The following SLC9A6 variants were observed in gnomAD, a reference collection of about 807,000 sequenced individuals.
The protein encoded by SLC9A6 is solute carrier family 9 member A6, also known as sodium/hydrogen exchanger 6.
In SLC9A6, 6 loss-of-function variants were observed where a neutral mutation model predicts 45.3. The observed-to-expected ratio is 0.13, with a 90% CI of 0.07 to 0.26. The LOEUF (loss-of-function observed/expected upper bound fraction) is 0.26. Among genes scored for constraint, SLC9A6 ranks in the 10% least tolerant of loss-of-function variants. SLC9A6 has a pLI of 1.00. For missense variants in SLC9A6, 278 were observed against 503.7 expected, an observed-to-expected ratio of 0.55 and a Z score of 4.29; for synonymous variants, 191 against 187.7, an observed-to-expected ratio of 1.02 and a Z score of -0.14.
chrX:136,026,262 G>C (rs1003800796), intron 13 of SLC9A6, among the ~76,000 whole-genome samples: 1 of 111,859 alleles, frequency 8.9e-6, no homozygotes, highest in Non-Finnish European at 1.9e-5. Flanking sequence ...GAAAGTTTAA[G>C]ATTCATGCAG....
At chrX:136,034,486 TTTC>T (rs2071381925) in intron 16 of SLC9A6, among the ~76,000 whole-genome samples, 1 of 111,753 alleles carries the variant, frequency 8.9e-6, no homozygotes, top group Admixed American at 9.5e-5. Flanking sequence ...TTAAAATTAA[TTTC>T]TTATTTGAAA....
At chrX:135,987,009 C>T (rs963131333) in intron 2 of SLC9A6, among the ~76,000 whole-genome samples, 20 of 110,947 alleles carry the variant, frequency 1.8e-4, no homozygotes, top group Non-Finnish European at 3.6e-4. Flanking sequence ...CATGCAAACC[C>T]CCGCCCCCTA....
At chrX:136,013,757 T>A (rs1305725696) in intron 10 of SLC9A6, among the ~76,000 whole-genome samples, 1 of 112,168 alleles carries the variant, frequency 8.9e-6, no homozygotes, top group Non-Finnish European at 1.9e-5. Context: ...TCACTCTGGT[T>A]TTACTTGAAC....
chrX:135,982,635 G>A (rs1348214926), upstream of SLC9A6, among the ~76,000 whole-genome samples: 3 of 110,891 alleles, frequency 2.7e-5, no homozygotes, highest in Non-Finnish European at 5.7e-5. Context: ...CACCATGCCC[G>A]GCTAATTTCT....
intron 12 of SLC9A6, 117 bp downstream of exon 12, chrX:136,022,814 T>C (rs2071151554): frequency 2.7e-6 from 1 of 370,535 alleles, no homozygotes; most frequent in African/African-American, 2.7e-5. Context: ...ATTTTTATAT[T>C]ATTTATTTAT....
At chrX:135,983,212 C>G (rs1291947245), upstream of SLC9A6, among the ~76,000 whole-genome samples, 1 of 111,449 alleles carries the variant, frequency 9.0e-6, no homozygotes, top group Non-Finnish European at 1.9e-5. Context: ...GTTGTGTATA[C>G]GTGTGTATAT....
intron 15 of SLC9A6, chrX:136,033,021 G>A (rs1330976694): frequency 2.1e-5 from 3 of 143,654 alleles, no homozygotes; most frequent in Middle Eastern, 2.9e-3. Flanking sequence ...GCCCCACCAC[G>A]CCTGGCTAAT....
intron 2 of SLC9A6, among the ~76,000 whole-genome samples, chrX:135,988,690 C>T (rs1170409118): frequency 1.4e-4 from 15 of 109,608 alleles, no homozygotes; most frequent in African/African-American, 5.0e-4. Flanking sequence ...CCTCAACCTC[C>T]TGGGCTTAAG....
At chrX:136,031,781 G>A (rs2071325571) in intron 15 of SLC9A6, among the ~76,000 whole-genome samples, 1 of 111,885 alleles carries the variant, frequency 8.9e-6, no homozygotes, top group African/African-American at 3.2e-5. Context: ...TGGAGTGTGT[G>A]GGGGTGGGGT....
intron 7 of SLC9A6, chrX:136,010,234 CGA>C: frequency 5.8e-6 from 2 of 345,743 alleles, no homozygotes; most frequent in Non-Finnish European, 1.0e-5. Flanking sequence ...ACCCCCCCCC[CGA>C]AATTAACATT....
At chrX:135,991,509 C>T (rs952568005) in intron 2 of SLC9A6, among the ~76,000 whole-genome samples, 6 of 111,106 alleles carry the variant, frequency 5.4e-5, no homozygotes, top group African/African-American at 1.3e-4. Context: ...CCACCCGCCT[C>T]GGCCTCCCAA....
At chrX:135,998,734 A>G (rs2148150907) in intron 5 of SLC9A6, 122 bp from the exon 6 acceptor site, 1 of 648,520 alleles carries the variant, frequency 1.5e-6, no homozygotes, top group Admixed American at 2.4e-5. Context: ...CCATATTTCA[A>G]TGACATGAAT....
chrX:136,023,993 A>G (rs2071184072), intron 12 of SLC9A6, among the ~76,000 whole-genome samples: 1 of 110,263 alleles, frequency 9.1e-6, no homozygotes, highest in Non-Finnish European at 1.9e-5. Context: ...TGGTTCAAGC[A>G]ATTCTGCCTC....
At chrX:136,019,004 C>T (rs782537028) in intron 11 of SLC9A6, among the ~76,000 whole-genome samples, 1 of 110,891 alleles carries the variant, frequency 9.0e-6, no homozygotes, top group African/African-American at 3.3e-5. Flanking sequence ...TAAAGTGGCT[C>T]GATCCACTAT....
chrX:136,008,347 T>C (rs2070858140), intron 7 of SLC9A6, among the ~76,000 whole-genome samples: 1 of 111,854 alleles, frequency 8.9e-6, no homozygotes, highest in Non-Finnish European at 1.9e-5. Flanking sequence ...GAGGTTCACC[T>C]GCCTTAGCCT....
At position 136,007,288 on chromosome X, in the gene SLC9A6, T is replaced by TG. The variant is rs782789533; in HGVS notation, c.744-3145dup. 5.6e-3 allele frequency among the ~76,000 whole-genome samples: 596 copies of TG among 107,369 alleles called. 8 individuals carry two copies. Among genetic ancestry groups the TG allele is most frequent in the East Asian group, 0.046 (158 of 3,407 alleles). The allele number at this position is 107,369 out of a possible 115,157, so 93.2% of individuals were successfully genotyped here. A position where few individuals can be genotyped will look rare whatever the true frequency, so the allele number is the denominator to read the frequency against. ...CTGGGGGCATTTTGGCTGTCATCAA[T>TG]GGGGGGGGGTTCCTATTGACATGGC... On this transcript the variant is annotated intron_variant, in intron 7 of 17. Transcript: ENST00000630721.
intron 2 of SLC9A6, among the ~76,000 whole-genome samples, chrX:135,991,274 T>A (rs1473808248): frequency 4.6e-5 from 5 of 109,007 alleles, no homozygotes; most frequent in Non-Finnish European, 9.5e-5. Context: ...TTTTTTTTTT[T>A]TGGACAGAGT....
intron 15 of SLC9A6, among the ~76,000 whole-genome samples, chrX:136,031,260 G>A (rs1556621098): frequency 1.8e-5 from 2 of 112,527 alleles, no homozygotes; most frequent in African/African-American, 3.2e-5. Flanking sequence ...ACAAATGCTC[G>A]ATCACTGTGT....
chrX:136,008,984 G>A (rs1372908046), intron 7 of SLC9A6, among the ~76,000 whole-genome samples: 3 of 111,783 alleles, frequency 2.7e-5, no homozygotes, highest in Non-Finnish European at 5.6e-5. Flanking sequence ...ACTAATCCAG[G>A]GAAAGCAACC....
Sources: allele counts gnomAD v4.1 joint callset (sites outside exome capture counted in the v4.1 genomes callset), GRCh38; gene constraint gnomAD v4.1.1; transcripts MANE v1.5; gene names NCBI Gene and HGNC (gene_info 2026-07-23, HGNC 2026-07-21).